The following FAT4 variants were observed in gnomAD, a reference collection of about 807,000 sequenced individuals.
The protein encoded by FAT4 is FAT atypical cadherin 4, also known as protocadherin Fat 4.
In FAT4, 84 loss-of-function variants were observed where a neutral mutation model predicts 303.9. The observed-to-expected ratio is 0.28, with a 90% CI of 0.23 to 0.33. The LOEUF (loss-of-function observed/expected upper bound fraction) is 0.33. Ranked by LOEUF, FAT4 falls within the 10% of genes least tolerant of loss-of-function variation. FAT4 has a pLI of 1.00. For synonymous variants in FAT4, 2,307 were observed against 2,298.8 expected (o/e 1.00, Z -0.10); for missense variants, 6,005 against 6,146.8 (o/e 0.98, Z 0.77).
chr4:125,453,417 T>C (rs890859133), intron 10 of FAT4, among the ~76,000 whole-genome samples: 4 of 152,040 alleles, frequency 2.6e-5, no homozygotes, highest in African/African-American at 9.7e-5. Context: ...ATTAAAATGA[T>C]GTGTTATTGG....
In FAT4 at chr4:125,402,807, T is replaced by C. The variant is rs116169906; in HGVS notation, c.5307+3892T>C. On this transcript the variant is annotated intron_variant, in intron 3 of 17. Coordinates refer to ENST00000394329, the MANE Select transcript of FAT4 (RefSeq NM_001291303.3). ...CTTACCTTCTTCCTAATATTCTCAT[T>C]GAGAGCTCTGTGTCTTTATATTTTA... is the stretch of plus-strand genomic sequence containing the variant. Among the ~76,000 whole-genome samples the C allele has an allele frequency of 6.9e-3, 1,049 of 152,126 alleles. 8 individuals are homozygous for C. The highest frequency in any genetic ancestry group is 0.022 in the African/African-American group (931 of 41,542).
intron 2 of FAT4, among the ~76,000 whole-genome samples, chr4:125,397,469 G>T (rs1303672839): frequency 6.6e-6 from 1 of 152,076 alleles, no homozygotes; most frequent in African/African-American, 2.4e-5. Flanking sequence ...ATGGTGTCGA[G>T]AATGGTTGTT....
At chr4:125,367,114 A>G (rs996575708) in intron 2 of FAT4, among the ~76,000 whole-genome samples, 1 of 152,000 alleles carries the variant, frequency 6.6e-6, no homozygotes, top group African/African-American at 2.4e-5. Context: ...TAGTTAGAAT[A>G]TAAATAAACC....
intron 12 of FAT4, among the ~76,000 whole-genome samples, chr4:125,474,073 AAG>A (rs1726948976): frequency 6.6e-6 from 1 of 152,078 alleles, no homozygotes; most frequent in African/African-American, 2.4e-5. Flanking sequence ...TCAACAGTAA[AAG>A]AGAATTTAAC....
In FAT4 at chr4:125,316,989, C is replaced by A; in HGVS notation, c.578C>A (p.Pro193Gln). ...GRFRLDITLN[P>Q]SGEGAFLHLV... is the part of the protein sequence containing the mutation. ...TTCCGTCTGGACATCACCCTGAACC[C>A]GAGCGGCGAGGGAGCGTTCCTGCAT... The change falls in exon 2 of 18, where the codon CCG (proline) becomes CAG (glutamine). Residue 193 changes from proline to glutamine, a missense_variant. Pro to Gln is a moderately conservative substitution (Grantham distance 76). Coordinates refer to ENST00000394329, the MANE Select transcript of FAT4 (RefSeq NM_001291303.3). The surrounding 1 kb of genome is among the most constrained non-coding windows in gnomAD (Gnocchi z 5.7). The A allele has an allele frequency of 6.2e-7, 1 of 1,614,012 alleles. No homozygotes were observed. Among genetic ancestry groups the A allele is most frequent in the African/African-American group, 1.3e-5 (1 of 75,056 alleles).
chr4:125,456,677 G>A (rs1209511117), intron 10 of FAT4, among the ~76,000 whole-genome samples: 1 of 152,076 alleles, frequency 6.6e-6, no homozygotes, highest in Non-Finnish European at 1.5e-5. Flanking sequence ...GGTAATCTCT[G>A]AAGGATCATT....
chr4:125,474,320 T>C (rs1290197363), intron 12 of FAT4, among the ~76,000 whole-genome samples: 1 of 152,010 alleles, frequency 6.6e-6, no homozygotes, highest in East Asian at 1.9e-4. Flanking sequence ...ATAATATATG[T>C]GGAGAGATGT....
chr4:125,468,732 T>C lies in FAT4; in HGVS notation c.12126T>C (p.Asn4042=). ...AAGAAAGACTAAGATTCTCTTATAATTTAGGCAGTGGTACATATAAGCTCA... is the reference window on the plus strand; with the variant it reads ...AAGAAAGACTAAGATTCTCTTATAACTTAGGCAGTGGTACATATAAGCTCA... ...IAEERLRFSY[N]LGSGTYKLTT... is the part of the protein sequence containing the mutation. The change falls in exon 12 of 18, where the codon AAT becomes AAC. Residue 4042 remains asparagine (N), a synonymous_variant. Coordinates refer to ENST00000394329, the MANE Select transcript of FAT4 (RefSeq NM_001291303.3). 4 of 1,614,156 alleles carry C rather than the reference T, an allele frequency of 2.5e-6. No homozygotes were observed. The highest frequency in any genetic ancestry group is 3.4e-6 in the Non-Finnish European group (4 of 1,180,020).
chr4:125,375,970 C>T (rs1040325099), intron 2 of FAT4, among the ~76,000 whole-genome samples: 10 of 152,198 alleles, frequency 6.6e-5, no homozygotes, highest in African/African-American at 2.4e-4. Context: ...TCACAAGTAA[C>T]TGACTAATAG....
Position 125,450,464 on chromosome 4 carries a change from A to G in FAT4, c.9454A>G (p.Lys3152Glu), listed in dbSNP as rs1308115647. 2 of 1,614,116 alleles carry G rather than the reference A, an allele frequency of 1.2e-6. No individual in the cohort carries two copies. The highest frequency in any genetic ancestry group is 1.1e-5 in the South Asian group (1 of 91,084). The change falls in exon 10 of 18, where the codon AAA becomes GAA. Residue 3152 changes from lysine to glutamate, a missense_variant. By Grantham distance (56) the Lys-to-Glu change is moderately conservative. Coordinates refer to ENST00000394329, the MANE Select transcript of FAT4 (RefSeq NM_001291303.3). ...TTCTACAGGTATATTAACACTAGCC[A>G]AAGCTCTTGATTATGAGCTATGCCA... is the stretch of plus-strand genomic sequence containing the variant. The part of the protein sequence containing the change: ...NSSTGILTLA[K>E]ALDYELCQKH...
At chr4:125,472,485 A>G (rs1179381942) in intron 12 of FAT4, among the ~76,000 whole-genome samples, 5 of 152,186 alleles carry the variant, frequency 3.3e-5, no homozygotes, top group Non-Finnish European at 5.9e-5. Context: ...GCTAAAATTT[A>G]TGCAATCTAT....
In FAT4 at chr4:125,317,028, G is replaced by T. The variant is rs544691693; in HGVS notation, c.617G>T (p.Gly206Val). ...EGAFLHLVSK[G>V]GLDREVTPQY... ...GCGTTCCTGCATCTGGTGTCCAAGGGCGGACTGGACCGTGAGGTCACTCCG... is the reference window on the plus strand; with the variant it reads ...GCGTTCCTGCATCTGGTGTCCAAGGTCGGACTGGACCGTGAGGTCACTCCG... The change falls in exon 2 of 18, where the codon GGC becomes GTC. Residue 206 changes from glycine (G) to valine (V), a missense_variant. Transcript: ENST00000394329. The surrounding 1 kb of genome is among the most constrained non-coding windows in gnomAD (Gnocchi z 7.0). 2 of 1,614,072 alleles carry T rather than the reference G, an allele frequency of 1.2e-6. No individual in the cohort carries two copies. Among genetic ancestry groups the T allele is most frequent in the Non-Finnish European group, 1.7e-6 (2 of 1,180,038 alleles).
chr4:125,426,512 G>C (rs1421415661), intron 7 of FAT4, among the ~76,000 whole-genome samples: 2 of 151,776 alleles, frequency 1.3e-5, no homozygotes, highest in Non-Finnish European at 2.9e-5. Flanking sequence ...CTTATTTGTA[G>C]CAGACTTTCT....
At position 125,316,608 on chromosome 4, in the gene FAT4, C is replaced by G; in HGVS notation, c.197C>G (p.Thr66Arg). Residue 66 changes from threonine (T) to arginine (R), a missense_variant, in exon 2 of 18, where the codon ACG becomes AGG. Transcript: ENST00000394329. The surrounding 1 kb of genome is among the most constrained non-coding windows in gnomAD (Gnocchi z 5.7). ...PPGTLVGTIQ[T>R]RPGFTYRLSE... is the part of the protein sequence containing the mutation. ...GGCACTCTGGTAGGCACCATCCAGA[C>G]GCGCCCCGGCTTCACCTACAGGCTC... is the stretch of plus-strand genomic sequence containing the variant. The G allele has an allele frequency of 6.2e-7, 1 of 1,613,988 alleles. No homozygotes were observed. Among genetic ancestry groups the G allele is most frequent in the Non-Finnish European group, 8.5e-7 (1 of 1,180,034 alleles).
chr4:125,368,629 A>G (rs1732981077), intron 2 of FAT4, among the ~76,000 whole-genome samples: 1 of 151,184 alleles, frequency 6.6e-6, no homozygotes, highest in Non-Finnish European at 1.5e-5. Flanking sequence ...GCAAATTAAG[A>G]TTTTTAAAAA....
chr4:125,319,701 G>T lies in FAT4; in HGVS notation c.3290G>T (p.Arg1097Ile). Residue 1097 changes from arginine (R) to isoleucine (I), a missense_variant, in exon 2 of 18, where the codon AGA becomes ATA. Arg to Ile is a moderately conservative substitution (Grantham distance 97). Coordinates refer to ENST00000394329, the MANE Select transcript of FAT4 (RefSeq NM_001291303.3). ...TVILEDVNDN[R>I]PLFNSTNYTF... ...ATTTTAGAAGATGTAAATGATAACA[G>T]ACCTCTTTTTAACAGTACCAATTAC... 6.2e-7 allele frequency: 1 copy of T among 1,614,014 alleles called. No homozygotes were observed. Among genetic ancestry groups the T allele is most frequent in the East Asian group, 2.2e-5 (1 of 44,886 alleles).
chr4:125,453,426 G>A (rs1454355610), intron 10 of FAT4, among the ~76,000 whole-genome samples: 1 of 152,010 alleles, frequency 6.6e-6, no homozygotes, highest in Non-Finnish European at 1.5e-5. Flanking sequence ...ATGTGTTATT[G>A]GGCCAGGCAA....
intron 2 of FAT4, among the ~76,000 whole-genome samples, chr4:125,334,405 C>T (rs1271952135): frequency 2.6e-5 from 4 of 152,082 alleles, no homozygotes; most frequent in African/African-American, 4.8e-5. Flanking sequence ...ATCCTGGATC[C>T]ACCAACAGCT....
rs1560639729 is a variant in FAT4, at chr4:125,490,489, T to C, written c.13673T>C (p.Phe4558Ser). ...AAAAAGGGAAGTGAGAACGTTGCTT[T>C]TGATGACCCTGACAATATCCCTCCC... ...KKKKGSENVA[F>S]DDPDNIPPYG... is the part of the protein sequence containing the mutation. Residue 4558 changes from phenylalanine to serine, a missense_variant, in exon 18 of 18, where the codon TTT (phenylalanine) becomes TCT (serine). Physicochemically the swap from Phe to Ser is radical, Grantham distance 155. Transcript: ENST00000394329. The C allele has an allele frequency of 6.2e-7, 1 of 1,614,120 alleles. No individual in the cohort carries two copies. The highest frequency in any genetic ancestry group is 8.5e-7 in the Non-Finnish European group (1 of 1,180,016).
Sources: allele counts gnomAD v4.1 joint callset (sites outside exome capture counted in the v4.1 genomes callset), GRCh38; gene constraint gnomAD v4.1.1; non-coding constraint Gnocchi (gnomAD v3.1); transcripts MANE v1.5; gene names NCBI Gene and HGNC (gene_info 2026-07-23, HGNC 2026-07-21).